PTPRT: variants seen among roughly 807,000 people sequenced by gnomAD.
The protein encoded by PTPRT is protein tyrosine phosphatase receptor type T, also known as receptor-type tyrosine-protein phosphatase T.
In PTPRT, 56 loss-of-function variants were observed where a neutral mutation model predicts 176.8. That is an observed-to-expected ratio of 0.32 (90% CI 0.26 to 0.40). The LOEUF is 0.40. Ranked by LOEUF, PTPRT falls within the 10% of genes least tolerant of loss-of-function variation. The probability of loss-of-function intolerance (pLI) is 1.00; values close to 1 mark genes in which losing one functional copy is unlikely to be tolerated. For synonymous variants in PTPRT, 783 were observed against 739.0 expected, an observed-to-expected ratio of 1.06 and a Z score of -0.96; for missense variants, 1,540 against 1,908.2, an observed-to-expected ratio of 0.81 and a Z score of 3.60.
At position 42,791,307 on chromosome 20, in the gene PTPRT, T is replaced by A. The variant is rs2077371569; in HGVS notation, c.374A>T (p.Lys125Met). Residue 125 changes from lysine (K) to methionine (M), a missense_variant, in exon 3 of 31, where the codon AAG becomes ATG. Around this residue, in one of 11 missense-constraint regions of PTPRT, gnomAD observed 273 missense variants for 432.1 expected, o/e 0.63. Transcript: ENST00000373187. ...GTTCCCTTGGGGGCCACCATTCACC[T>A]TCACGTAGACGTTCAAGGCCCCTGG... ...SSPGALNVYV[K>M]VNGGPQGNPV... 6.2e-7 allele frequency: 1 copy of A among 1,614,224 alleles called. No individual in the cohort carries two copies. The highest frequency in any genetic ancestry group is 1.7e-5 in the Admixed American group (1 of 60,032).
At chr20:43,034,220 CAAT>C (rs1347238103) in intron 1 of PTPRT, among the ~76,000 whole-genome samples, 3 of 152,166 alleles carry the variant, frequency 2.0e-5, no homozygotes, top group Non-Finnish European at 4.4e-5. Context: ...AGCCAGGTCA[CAAT>C]AGCTTCTCAG....
intron 6 of PTPRT, among the ~76,000 whole-genome samples, chr20:42,693,862 CCACCT>C (rs1164378182): frequency 1.3e-5 from 2 of 152,006 alleles, no homozygotes; most frequent in Non-Finnish European, 2.9e-5. Context: ...AGAACCACAA[CCACCT>C]CCCTCCCCAC....
At chr20:43,181,253 C>T (rs891723644) in intron 1 of PTPRT, among the ~76,000 whole-genome samples, 1 of 152,178 alleles carries the variant, frequency 6.6e-6, no homozygotes, top group African/African-American at 2.4e-5. Context: ...CTGAGCCACA[C>T]GACCCAGCTA....
chr20:42,800,331 A>G (rs1380266214), intron 2 of PTPRT, among the ~76,000 whole-genome samples: 1 of 152,164 alleles, frequency 6.6e-6, no homozygotes, highest in Non-Finnish European at 1.5e-5. Flanking sequence ...AACTCCCTGG[A>G]GTTAGCTGGC....
intron 1 of PTPRT, among the ~76,000 whole-genome samples, chr20:43,009,128 C>G (rs919579843): frequency 5.9e-5 from 9 of 152,176 alleles, no homozygotes; most frequent in Non-Finnish European, 1.5e-5. Context: ...AGCTGTGAGT[C>G]TACTTCAAGG....
chr20:42,595,047 G>A (rs537515287), intron 7 of PTPRT, among the ~76,000 whole-genome samples: 3 of 152,238 alleles, frequency 2.0e-5, no homozygotes, highest in Non-Finnish European at 4.4e-5. Context: ...AACTCTGGGG[G>A]TGAACCTAGG....
chr20:42,405,865 A>G (rs1206616697), intron 9 of PTPRT, among the ~76,000 whole-genome samples: 1 of 152,116 alleles, frequency 6.6e-6, no homozygotes. Flanking sequence ...TTGTTTCCTG[A>G]CTTTTTAATG....
At chr20:42,442,677 T>C (rs1299402597) in intron 9 of PTPRT, among the ~76,000 whole-genome samples, 3 of 152,248 alleles carry the variant, frequency 2.0e-5, no homozygotes, top group East Asian at 1.9e-4. Context: ...GTTGCAAGTG[T>C]AACATCTTCT....
At chr20:43,008,892 TAGTC>T (rs2146146191) in intron 1 of PTPRT, among the ~76,000 whole-genome samples, 1 of 152,250 alleles carries the variant, frequency 6.6e-6, no homozygotes, top group East Asian at 1.9e-4. Context: ...TGTTCTGTGA[TAGTC>T]AGAGTGAACA....
chr20:42,258,441 A>C (rs1184588896), intron 13 of PTPRT, among the ~76,000 whole-genome samples: 1 of 152,156 alleles, frequency 6.6e-6, no homozygotes, highest in African/African-American at 2.4e-5. Flanking sequence ...CATATGTTGC[A>C]GTTAGTTTTA....
At chr20:43,159,947 A>T (rs2014644635) in intron 1 of PTPRT, among the ~76,000 whole-genome samples, 2 of 151,910 alleles carry the variant, frequency 1.3e-5, no homozygotes, top group South Asian at 4.2e-4. Flanking sequence ...AGCTGCTAAC[A>T]GAGACACTGG....
intron 20 of PTPRT, 88 bp downstream of exon 20, chr20:42,119,847 G>C (rs1987492570): frequency 1.7e-6 from 2 of 1,185,296 alleles, no homozygotes; most frequent in Non-Finnish European, 2.4e-6. Context: ...GATATAGGAG[G>C]AGAGGACAAG....
At chr20:42,223,438 A>G (rs1379277068) in intron 15 of PTPRT, among the ~76,000 whole-genome samples, 1 of 152,200 alleles carries the variant, frequency 6.6e-6, no homozygotes, top group Admixed American at 6.5e-5. Flanking sequence ...TTTCGCTACA[A>G]TGCTGCTTCC....
At chr20:42,898,749 A>G (rs1401840903) in intron 1 of PTPRT, among the ~76,000 whole-genome samples, 1 of 151,502 alleles carries the variant, frequency 6.6e-6, no homozygotes, top group African/African-American at 2.4e-5. Flanking sequence ...CAGCCTTCCC[A>G]GGCACCAGTT....
rs1170796419 is a variant in PTPRT, at chr20:43,189,185, C to T, written c.88+461G>A. Among the ~76,000 whole-genome samples, 1 of 152,176 alleles carries T rather than the reference C, an allele frequency of 6.6e-6. No homozygotes were observed. Reference sequence around the variant, plus strand: ...CCGAGGAAAAAAGAAAAGCCGCCGCCCCGGCAGCCTCGGCCTGCTGGGGAC... The same window carrying T: ...CCGAGGAAAAAAGAAAAGCCGCCGCTCCGGCAGCCTCGGCCTGCTGGGGAC... On this transcript the variant is annotated intron_variant, in intron 1 of 30. Coordinates refer to ENST00000373187, the MANE Select transcript of PTPRT (RefSeq NM_007050.6). This position sits in a 1 kb window ranked among gnomAD's most constrained non-coding sequence, Gnocchi z 5.0.
intron 16 of PTPRT, among the ~76,000 whole-genome samples, chr20:42,177,257 T>C (rs956232839): frequency 6.6e-6 from 1 of 152,170 alleles, no homozygotes; most frequent in African/African-American, 2.4e-5. Flanking sequence ...GACCACACCT[T>C]GAGTAGTGAG....
At chr20:42,469,736 C>CAA (rs1159985741) in intron 8 of PTPRT, among the ~76,000 whole-genome samples, 1 of 149,472 alleles carries the variant, frequency 6.7e-6, no homozygotes, top group African/African-American at 2.5e-5. Context: ...GTGGGGTCTG[C>CAA]AAAGAGGATG....
chr20:42,102,039 G>T, intron 26 of PTPRT, 85 bp downstream of exon 26: 1 of 1,490,098 alleles, frequency 6.7e-7, no homozygotes, highest in Non-Finnish European at 9.2e-7. Flanking sequence ...TGGGGTCAGG[G>T]CCCTGAGGTC....
chr20:43,136,882 G>T (rs548445987), intron 1 of PTPRT, among the ~76,000 whole-genome samples: 1 of 152,104 alleles, frequency 6.6e-6, no homozygotes, highest in Admixed American at 6.5e-5. Context: ...AAAGGCTCCC[G>T]AGTTTATTTG....
Sources: allele counts gnomAD v4.1 joint callset (sites outside exome capture counted in the v4.1 genomes callset), GRCh38; gene constraint gnomAD v4.1.1; regional missense constraint gnomAD v4.1.1; non-coding constraint Gnocchi (gnomAD v3.1); transcripts MANE v1.5; gene names NCBI Gene and HGNC (gene_info 2026-07-23, HGNC 2026-07-21).